Variants in ACYP1 observed in about 807,000 individuals in gnomAD.
ACYP1 encodes acylphosphatase-1.
Under a neutral mutation model 10.4 loss-of-function variants are expected in ACYP1, and 8 were observed. The observed-to-expected ratio is 0.77, with a 90% CI of 0.45 to 1.38. The LOEUF is 1.38. Ranked by LOEUF, ACYP1 falls within the 40% of genes most tolerant of loss-of-function variation. The probability of loss-of-function intolerance (pLI) is 0.00; values close to 1 mark genes in which losing one functional copy is unlikely to be tolerated. For missense variants in ACYP1, 93 were observed against 117.3 expected (o/e 0.79, Z 0.96); for synonymous variants, 38 against 40.8 (o/e 0.93, Z 0.26).
exon 1 of ACYP1, chr14:75,069,294 T>C (rs1394068299): frequency 7.0e-7 from 1 of 1,433,826 alleles, no homozygotes; most frequent in East Asian, 2.9e-5. Context: ...GCCGGCATCC[T>C]GCGGCGGAAG....
upstream of ACYP1, among the ~76,000 whole-genome samples, chr14:75,065,563 C>T (rs761593164): frequency 6.6e-6 from 1 of 152,082 alleles, no homozygotes; most frequent in African/African-American, 2.4e-5. Flanking sequence ...GTGTCTAATA[C>T]GAATGGGGCA....
upstream of ACYP1, among the ~76,000 whole-genome samples, chr14:75,068,547 G>C (rs769808614): frequency 2.6e-5 from 4 of 151,642 alleles, no homozygotes; most frequent in Non-Finnish European, 4.4e-5. Flanking sequence ...AGAGGAGGAA[G>C]AAGAGAGAGA....
At chr14:75,069,301 GA>G in exon 1 of ACYP1, 1 of 1,428,608 alleles carries the variant, frequency 7.0e-7, no homozygotes, top group Non-Finnish European at 9.1e-7. Flanking sequence ...TCCTGCGGCG[GA>G]AGCACGCGGA....
intron 2 of ACYP1, among the ~76,000 whole-genome samples, chr14:75,057,658 T>C (rs1892907482): frequency 6.6e-6 from 1 of 151,266 alleles, no homozygotes; most frequent in Non-Finnish European, 1.5e-5. Context: ...GCTTAGACCA[T>C]TTCGTGTTGC....
At chr14:75,068,548 AAG>A (rs964252123), upstream of ACYP1, among the ~76,000 whole-genome samples, 1 of 151,758 alleles carries the variant, frequency 6.6e-6, no homozygotes, top group African/African-American at 2.4e-5. Context: ...GAGGAGGAAG[AAG>A]AGAGAGAGAC....
chr14:75,064,018 G>A lies in ACYP1; in HGVS notation c.-73C>T, dbSNP rs1034821172. On this transcript the variant is annotated 5_prime_UTR_variant, in exon 1 of 3. Coordinates refer to ENST00000238618, the MANE Select transcript of ACYP1 (RefSeq NM_001107.5). Reference sequence around the variant, plus strand: ...GACCACCACGCCAACGGCTCACCAAGGCGCGCAAACCTCCGCGCCCGGAAG... The same window carrying A: ...GACCACCACGCCAACGGCTCACCAAAGCGCGCAAACCTCCGCGCCCGGAAG... 1 of 988,372 alleles carries A rather than the reference G, an allele frequency of 1.0e-6. No homozygotes were observed. The highest frequency in any genetic ancestry group is 5.9e-5 in the Admixed American group (1 of 16,832). The allele number at this position is 988,372 out of a possible 1,614,324, so 61.2% of individuals were successfully genotyped here.
upstream of ACYP1, among the ~76,000 whole-genome samples, chr14:75,065,128 T>C (rs1468613866): frequency 1.3e-5 from 2 of 152,264 alleles, no homozygotes; most frequent in Non-Finnish European, 2.9e-5. Context: ...TGGATGAAGA[T>C]GGTTAAAATT....
exon 1 of ACYP1, chr14:75,069,450 G>T (rs1015824792): frequency 5.0e-6 from 3 of 601,340 alleles, no homozygotes; most frequent in African/African-American, 4.0e-5. Context: ...CTCCCCAAGG[G>T]CAGGGCTGGA....
chr14:75,068,017 C>T (rs1383476326), upstream of ACYP1, among the ~76,000 whole-genome samples: 1 of 151,360 alleles, frequency 6.6e-6, no homozygotes, highest in Non-Finnish European at 1.5e-5. Context: ...AGGCCAGGCC[C>T]GGTGGCTCAT....
In ACYP1 at chr14:75,063,613, G is replaced by T. The variant is rs187089442; in HGVS notation, c.-8-52C>A. 50 of 1,486,460 alleles carry T rather than the reference G, an allele frequency of 3.4e-5. No individual in the cohort carries two copies. The African/African-American group carries it at 5.8e-4, about 17-fold the overall frequency. 92.1% of individuals were successfully genotyped at this position (1,486,460 alleles called of 1,614,324 possible). On this transcript the variant is annotated intron_variant, in intron 1 of 2. Coordinates refer to ENST00000238618, the MANE Select transcript of ACYP1 (RefSeq NM_001107.5). ...GTGAAGGGCTATTATTCCAGGACCC[G>T]CAAGCCTGAGTCAGAAAGGGCCACA...
At chr14:75,056,006 G>T (rs552251491) in intron 2 of ACYP1, among the ~76,000 whole-genome samples, 2 of 151,206 alleles carry the variant, frequency 1.3e-5, no homozygotes, top group Non-Finnish European at 3.0e-5. Flanking sequence ...CAAAAAATTA[G>T]ATTAAATTTT....
At chr14:75,062,721 GAC>G (rs1190324375) in intron 2 of ACYP1, among the ~76,000 whole-genome samples, 1 of 150,138 alleles carries the variant, frequency 6.7e-6, no homozygotes, top group African/African-American at 2.5e-5. Flanking sequence ...TGGGATTAGC[GAC>G]ACACTGGGAA....
At chr14:75,063,376 G>T in intron 2 of ACYP1, 94 bp downstream of exon 2, 1 of 997,364 alleles carries the variant, frequency 1.0e-6, no homozygotes, top group Non-Finnish European at 1.6e-6. Flanking sequence ...CTACCAAATA[G>T]CCAGCGGCTT....
rs745358111 is a variant in ACYP1 at position 75,053,588 on chromosome 14, C to T, written c.156G>A (p.Leu52=). The T allele has an allele frequency of 6.2e-7, 1 of 1,614,130 alleles. No individual in the cohort carries two copies. Among genetic ancestry groups the T allele is most frequent in the Non-Finnish European group, 8.5e-7 (1 of 1,180,036 alleles). The stretch of plus-strand genomic sequence containing the variant: ...GACGCACCTTGGAGATGGGACCTTG[C>T]AATTGTCCTTGCACTGTGCCCCGGT... The part of the protein sequence containing the change: ...NTDRGTVQGQ[L]QGPISKVRHM... The change falls in exon 3 of 3, where the codon TTG becomes TTA. Residue 52 remains leucine (L), a synonymous_variant. Transcript: ENST00000238618.
At position 75,058,526 on chromosome 14, in the gene ACYP1, C is replaced by A. The variant is rs376049565; in HGVS notation, c.85-4867G>T. Among the ~76,000 whole-genome samples, 6 of 151,364 alleles carry A rather than the reference C, an allele frequency of 4.0e-5. No individual in the cohort carries two copies. In the South Asian group the frequency reaches 8.5e-4, roughly 21 times the overall value. On this transcript the variant is annotated intron_variant, in intron 2 of 2. Coordinates refer to ENST00000238618, the MANE Select transcript of ACYP1 (RefSeq NM_001107.5). ...AGACTTCATTGACCCTCCCACCCCC[C>A]AGGAAGAGCATTAATCTACTCATGA...
At chr14:75,065,649 T>C (rs1566621893), upstream of ACYP1, among the ~76,000 whole-genome samples, 2 of 152,146 alleles carry the variant, frequency 1.3e-5, no homozygotes, top group South Asian at 4.1e-4. Flanking sequence ...GGGGCACAAA[T>C]GCATGCAAAT....
chr14:75,063,633 G>T, intron 1 of ACYP1, 72 bp from the exon 2 acceptor site: 1 of 1,248,282 alleles, frequency 8.0e-7, no homozygotes. Context: ...GTCAGAAAGG[G>T]CCACACCCAC....
At chr14:75,066,856 A>C (rs1178217375), upstream of ACYP1, among the ~76,000 whole-genome samples, 1 of 152,194 alleles carries the variant, frequency 6.6e-6, no homozygotes, top group Non-Finnish European at 1.5e-5. Context: ...TCTCAAAGAA[A>C]AAAAGGAAGA....
exon 1 of ACYP1, chr14:75,069,367 G>C (rs1413772519): frequency 8.5e-7 from 1 of 1,172,632 alleles, no homozygotes; most frequent in African/African-American, 1.6e-5. Context: ...CAAGGTCTGG[G>C]AGCGTCGTTC....
Sources: allele counts gnomAD v4.1 joint callset (sites outside exome capture counted in the v4.1 genomes callset), GRCh38; gene constraint gnomAD v4.1.1; transcripts MANE v1.5; gene names NCBI Gene and HGNC (gene_info 2026-07-23, HGNC 2026-07-21).